The following STPG2 variants were observed in gnomAD, a reference collection of about 807,000 sequenced individuals.
STPG2 encodes sperm-tail PG-rich repeat-containing protein 2.
Under a neutral mutation model 54.2 loss-of-function variants are expected in STPG2, and 56 were observed. The ratio of observed to expected loss-of-function variants is 1.03; its 90% confidence interval spans 0.83 to 1.29. The LOEUF (loss-of-function observed/expected upper bound fraction) is 1.29. Among genes scored for constraint, STPG2 ranks in the 50% most tolerant of loss-of-function variants. The pLI is 0.00. For missense variants in STPG2, 596 were observed against 544.9 expected (o/e 1.09, Z -0.93); for synonymous variants, 200 against 181.8 (o/e 1.10, Z -0.81).
chr4:97,966,237 C>T (rs982958966), intron 7 of STPG2, among the ~76,000 whole-genome samples: 14 of 152,110 alleles, frequency 9.2e-5, no homozygotes, highest in African/African-American at 3.4e-4. Flanking sequence ...ATGATGCATG[C>T]ACAAGCTTCA....
At chr4:97,484,750 T>C (rs774177061) in intron 4 of STPG2, among the ~76,000 whole-genome samples, 7 of 151,144 alleles carry the variant, frequency 4.6e-5, no homozygotes, top group Non-Finnish European at 1.0e-4. Flanking sequence ...GGAAAGGATA[T>C]AACAAAAAAA....
At chr4:97,623,863 C>T (rs1216517038) in intron 10 of STPG2, among the ~76,000 whole-genome samples, 1 of 152,018 alleles carries the variant, frequency 6.6e-6, no homozygotes, top group Non-Finnish European at 1.5e-5. Flanking sequence ...TGTTTGGCTC[C>T]CCCTTATAAG....
At chr4:97,968,709 A>C (rs934491209) in intron 7 of STPG2, among the ~76,000 whole-genome samples, 40 of 152,360 alleles carry the variant, frequency 2.6e-4, no homozygotes, top group Non-Finnish European at 4.7e-4. Flanking sequence ...CATCAGATGA[A>C]GAAAAGGCCT....
At chr4:97,461,220 CAT>C (rs1401861391) in intron 4 of STPG2, among the ~76,000 whole-genome samples, 1 of 152,162 alleles carries the variant, frequency 6.6e-6, no homozygotes, top group African/African-American at 2.4e-5. Flanking sequence ...TTTTTCTCCA[CAT>C]CTTTTCCAAC....
chr4:97,465,590 G>A (rs1729768677), intron 4 of STPG2, among the ~76,000 whole-genome samples: 1 of 151,914 alleles, frequency 6.6e-6, no homozygotes, highest in Non-Finnish European at 1.5e-5. Flanking sequence ...ATAGGGGATT[G>A]GTTCCAGGAA....
At chr4:97,868,420 G>A (rs544290745) in intron 8 of STPG2, among the ~76,000 whole-genome samples, 7 of 151,722 alleles carry the variant, frequency 4.6e-5, no homozygotes, top group Non-Finnish European at 1.0e-4. Flanking sequence ...TTCCTTTCAG[G>A]GACAATTTTT....
At chr4:97,866,961 TG>T (rs1729810012) in intron 8 of STPG2, among the ~76,000 whole-genome samples, 1 of 151,894 alleles carries the variant, frequency 6.6e-6, no homozygotes, top group African/African-American at 2.4e-5. Context: ...TAGCTAGGTC[TG>T]GGGGCCAGCA....
chr4:97,910,704 T>A (rs903156413), intron 8 of STPG2, among the ~76,000 whole-genome samples: 3 of 150,946 alleles, frequency 2.0e-5, no homozygotes, highest in African/African-American at 7.3e-5. Flanking sequence ...AAAGAAAAAA[T>A]TTCAACTAAA....
chr4:97,870,307 A>G (rs1729941007), intron 8 of STPG2, among the ~76,000 whole-genome samples: 1 of 151,608 alleles, frequency 6.6e-6, no homozygotes, highest in Non-Finnish European at 1.5e-5. Flanking sequence ...TAGAAACTAC[A>G]TATATTACTC....
rs79005830 is a variant in STPG2 at position 97,887,887 on chromosome 4, T to C, written c.1045-46955A>G. ...CAAGGGCCCACTGCCCTGTGCAGCC[T>C]TGGGAAACTGCTCCCTGCATCCCAG... On this transcript the variant is annotated intron_variant, in intron 8 of 10. Coordinates refer to ENST00000295268, the MANE Select transcript of STPG2 (RefSeq NM_174952.3). 3.8e-4 allele frequency among the ~76,000 whole-genome samples: 58 copies of C among 152,284 alleles called. 1 individual carries two copies. In the East Asian group the frequency reaches 0.011, roughly 28 times the overall value.
chr4:97,499,031 C>T (rs1392838791), intron 4 of STPG2, among the ~76,000 whole-genome samples: 1 of 151,974 alleles, frequency 6.6e-6, no homozygotes, highest in Non-Finnish European at 1.5e-5. Context: ...CATCAATACT[C>T]TGTAGTTTTT....
At chr4:98,134,035 G>A (rs575640243) in intron 2 of STPG2, among the ~76,000 whole-genome samples, 5 of 151,904 alleles carry the variant, frequency 3.3e-5, no homozygotes, top group South Asian at 2.1e-4. Flanking sequence ...CCTCTTCTAC[G>A]CATTTTTACT....
chr4:98,068,811 T>A (rs1737912711), intron 5 of STPG2, among the ~76,000 whole-genome samples: 2 of 152,100 alleles, frequency 1.3e-5, no homozygotes, highest in African/African-American at 4.8e-5. Context: ...CAGTATAGCC[T>A]ATTGCTCCTA....
intron 8 of STPG2, among the ~76,000 whole-genome samples, chr4:97,899,857 C>T (rs541676226): frequency 2.0e-5 from 3 of 152,190 alleles, no homozygotes; most frequent in African/African-American, 7.2e-5. Flanking sequence ...AAAATCCAAA[C>T]TATAAAAACC....
intron 9 of STPG2, among the ~76,000 whole-genome samples, chr4:97,778,302 C>T (rs540693456): frequency 5.3e-5 from 8 of 152,026 alleles, no homozygotes; most frequent in Non-Finnish European, 7.4e-5. Context: ...ATGCCTGGCT[C>T]GGAGGGTCCC....
intron 10 of STPG2, among the ~76,000 whole-genome samples, chr4:97,664,898 G>A (rs551856215): frequency 1.7e-3 from 261 of 152,022 alleles, no homozygotes; most frequent in African/African-American, 6.0e-3. Context: ...GCAGAGTGGC[G>A]AGGGGTGTGT....
chr4:97,922,681 C>A (rs1732152909), intron 8 of STPG2, among the ~76,000 whole-genome samples: 2 of 152,216 alleles, frequency 1.3e-5, no homozygotes, highest in Non-Finnish European at 2.9e-5. Flanking sequence ...TGCCAGATGG[C>A]TCTCTGTTAG....
rs142654080 is a variant in STPG2, at chr4:97,824,293, T to C, written c.1204+16480A>G. ...CAATGCTTTTCTCCCTTTCCCTTCCTTTCTCTCTCTCTCATAAACAGTTAT... is the reference window on the plus strand; with the variant it reads ...CAATGCTTTTCTCCCTTTCCCTTCCCTTCTCTCTCTCTCATAAACAGTTAT... On this transcript the variant is annotated intron_variant, in intron 9 of 10. Coordinates refer to ENST00000295268, the MANE Select transcript of STPG2 (RefSeq NM_174952.3). Among the ~76,000 whole-genome samples, 861 of 152,234 alleles carry C rather than the reference T, an allele frequency of 5.7e-3. 5 individuals carry two copies. Among genetic ancestry groups the C allele is most frequent in the Middle Eastern group, 0.02 (6 of 294 alleles).
At chr4:97,946,438 C>T (rs1189353517) in intron 7 of STPG2, among the ~76,000 whole-genome samples, 1 of 151,828 alleles carries the variant, frequency 6.6e-6, no homozygotes, top group Non-Finnish European at 1.5e-5. Context: ...GTTCCATTTG[C>T]TTTGGGAGAC....
Sources: allele counts gnomAD v4.1 joint callset (sites outside exome capture counted in the v4.1 genomes callset), GRCh38; gene constraint gnomAD v4.1.1; transcripts MANE v1.5; gene names NCBI Gene and HGNC (gene_info 2026-07-23, HGNC 2026-07-21).